Variants in RUSF1 observed in about 807,000 individuals in gnomAD.
RUSF1 encodes RUS1 family protein C16orf58.
In RUSF1, 58 loss-of-function variants were observed where a neutral mutation model predicts 63.0. The ratio of observed to expected loss-of-function variants is 0.92; its 90% CI spans 0.75 to 1.15. RUSF1 has a LOEUF of 1.15. Among genes scored for constraint, RUSF1 ranks in the 50% most tolerant of loss-of-function variants. The pLI is 0.00. For synonymous variants in RUSF1, 274 were observed against 255.8 expected (o/e 1.07, Z -0.68); for missense variants, 652 against 611.0 (o/e 1.07, Z -0.71).
chr16:31,502,152 G>A lies in RUSF1; in HGVS notation c.416-1421C>T, dbSNP rs2082635929. The stretch of plus-strand genomic sequence containing the variant: ...TGGGAGAGGACAGATACCATGGGGA[G>A]AGGATTTGGACTTGTCTGAGCTTGA... On this transcript the variant is annotated intron_variant, in intron 2 of 12. Transcript: ENST00000327237. Among the ~76,000 whole-genome samples the A allele has an allele frequency of 2.6e-5, 4 of 152,284 alleles. No homozygotes were observed. In the South Asian group the frequency reaches 8.3e-4, roughly 32 times the overall value.
intron 2 of RUSF1, among the ~76,000 whole-genome samples, chr16:31,504,056 G>A (rs997845549): frequency 1.3e-5 from 2 of 151,988 alleles, no homozygotes; most frequent in Admixed American, 6.6e-5. Flanking sequence ...CTGCCACCAC[G>A]CCTGGCCAAT....
chr16:31,489,501 TAC>T lies in RUSF1; in HGVS notation c.*1332_*1333del. The T allele has an allele frequency of 1.5e-6, 1 of 685,678 alleles. No individual in the cohort carries two copies. Among genetic ancestry groups the T allele is most frequent in the East Asian group, 2.7e-5 (1 of 36,768 alleles). 42.5% of individuals were successfully genotyped at this position (685,678 alleles called of 1,614,324 possible). On this transcript the variant is annotated 3_prime_UTR_variant, in exon 13 of 13. Coordinates refer to ENST00000327237, the MANE Select transcript of RUSF1 (RefSeq NM_022744.4). ...TGCCGAGCAAGAATTTTTATTTAAATACATTTATTTGAACCGGCCTGGGGGAG... is the reference window on the plus strand; with the variant it reads ...TGCCGAGCAAGAATTTTTATTTAAATATTTATTTGAACCGGCCTGGGGGAG...
In RUSF1 at chr16:31,499,129, C is replaced by A. The variant is rs1186948876; in HGVS notation, c.600+173G>T. 9.2e-6 allele frequency: 6 copies of A among 651,652 alleles called. No individual in the cohort carries two copies. In the Admixed American group the frequency reaches 1.3e-4, roughly 14 times the overall value. The allele number at this position is 651,652 out of a possible 1,614,324, so 40.4% of individuals were successfully genotyped here. ...AGACATTGCCTTACACTTTCTGGGG[C>A]ACTAGATGCTGTCTGGCTGGAGGAG... On this transcript the variant is annotated intron_variant, in intron 5 of 12. Coordinates refer to ENST00000327237, the MANE Select transcript of RUSF1 (RefSeq NM_022744.4).
chr16:31,500,534 AGC>A, intron 3 of RUSF1, 150 bp downstream of exon 3: 1 of 938,226 alleles, frequency 1.1e-6, no homozygotes, highest in Non-Finnish European at 1.5e-6. Context: ...GTGTTTACTG[AGC>A]CATTATGTAC....
At chr16:31,502,112 C>T (rs2082635761) in intron 2 of RUSF1, among the ~76,000 whole-genome samples, 1 of 152,158 alleles carries the variant, frequency 6.6e-6, no homozygotes, top group African/African-American at 2.4e-5. Flanking sequence ...CTGGGAGGGA[C>T]TCATACAGTG....
intron 2 of RUSF1, among the ~76,000 whole-genome samples, chr16:31,506,231 ATAAAACTGCCT>A (rs1279974932): frequency 6.6e-6 from 1 of 152,252 alleles, no homozygotes; most frequent in Non-Finnish European, 1.5e-5. Flanking sequence ...AAAATACTGT[ATAAAACTGCCT>A]TTAAGGTATG....
At position 31,508,367 on chromosome 16, in the gene RUSF1, C is replaced by T. The variant is rs1461733603; in HGVS notation, c.7G>A (p.Asp3Asn). Reference protein sequence around the residue: MADDAGLETPLCS... With the variant: MANDAGLETPLCS... ...AGCGGGGTCTCCAAACCCGCGTCGT[C>T]AGCCATGCCGAGCTTTTGGATCCCA... is the stretch of plus-strand genomic sequence containing the variant. Residue 3 changes from aspartate to asparagine, a missense_variant, in exon 1 of 13, where the codon GAC (aspartate) becomes AAC (asparagine). Asp to Asn is a conservative substitution (Grantham distance 23, BLOSUM62 1). Transcript: ENST00000327237. 5 of 1,512,904 alleles carry T rather than the reference C, an allele frequency of 3.3e-6. No individual in the cohort carries two copies. Among genetic ancestry groups the T allele is most frequent in the East Asian group, 4.9e-5 (2 of 40,486 alleles). 93.7% of individuals were successfully genotyped at this position (1,512,904 alleles called of 1,614,324 possible).
At chr16:31,506,209 T>C (rs1027569752) in intron 2 of RUSF1, among the ~76,000 whole-genome samples, 1 of 152,246 alleles carries the variant, frequency 6.6e-6, no homozygotes, top group African/African-American at 2.4e-5. Flanking sequence ...CTTTGTTTCA[T>C]GCACACCATT....
chr16:31,503,600 T>C (rs974777388), intron 2 of RUSF1, among the ~76,000 whole-genome samples: 3 of 152,226 alleles, frequency 2.0e-5, no homozygotes, highest in African/African-American at 7.2e-5. Context: ...AAATTTCCCA[T>C]GTTTGATGAA....
At chr16:31,506,189 T>C (rs958843088) in intron 2 of RUSF1, among the ~76,000 whole-genome samples, 3 of 152,250 alleles carry the variant, frequency 2.0e-5, no homozygotes, top group Non-Finnish European at 2.9e-5. Context: ...GATGGATCAA[T>C]GAACACAAAC....
At chr16:31,502,106 G>A (rs1416292539) in intron 2 of RUSF1, among the ~76,000 whole-genome samples, 2 of 152,192 alleles carry the variant, frequency 1.3e-5, no homozygotes, top group Non-Finnish European at 2.9e-5. Flanking sequence ...AGACACCTGG[G>A]AGGGACTCAT....
In RUSF1 at chr16:31,492,259, G is replaced by GC; in HGVS notation, c.1168dup (p.Ala390GlyfsTer24). The GC allele has an allele frequency of 6.2e-7, 1 of 1,613,180 alleles. No homozygotes were observed. Among genetic ancestry groups the GC allele is most frequent in the Non-Finnish European group, 8.5e-7 (1 of 1,179,648 alleles). The stretch of plus-strand genomic sequence containing the variant: ...TGGAAGGGGTCCATCTCCCTGCAGG[G>GC]CCCCAAGCATCAGCCCATGTGTGGC... On this transcript the variant is annotated frameshift_variant, in exon 11 of 13. Coordinates refer to ENST00000327237, the MANE Select transcript of RUSF1 (RefSeq NM_022744.4). LOFTEE classifies it high-confidence loss of function.
Position 31,507,712 on chromosome 16 carries a change from C to A in RUSF1, c.415+52G>T, listed in dbSNP as rs370265620. ...TACATATATACACATAAGAGCCCAG[C>A]GAAAGCAGGGCTGAAAGCAGCAATA... On this transcript the variant is annotated intron_variant, in intron 2 of 12. Transcript: ENST00000327237. The A allele has an allele frequency of 2.2e-4, 328 of 1,516,370 alleles. 1 individual carries two copies. The African/African-American group carries it at 4.2e-3, about 20-fold the overall frequency. The allele number at this position is 1,516,370 out of a possible 1,614,324, so 93.9% of individuals were successfully genotyped here.
At position 31,492,022 on chromosome 16, in the gene RUSF1, T is replaced by C; in HGVS notation, c.1296A>G (p.Pro432=). Reference sequence around the variant, plus strand: ...GAGGGATGTTACCTTTCAAGAACTTTGGGAACAGCATGTCCAACACTTCGT... The same window carrying C: ...GAGGGATGTTACCTTTCAAGAACTTCGGGAACAGCATGTCCAACACTTCGT... The part of the protein sequence containing the change: ...ETHEVLDMLF[P]KFLKGLQDAG... Residue 432 remains proline, a synonymous_variant, in exon 12 of 13, where the codon CCA becomes CCG. Transcript: ENST00000327237. The C allele has an allele frequency of 6.2e-7, 1 of 1,614,160 alleles. No individual in the cohort carries two copies. The highest frequency in any genetic ancestry group is 8.5e-7 in the Non-Finnish European group (1 of 1,179,992).
intron 12 of RUSF1, 83 bp from the exon 13 acceptor site, chr16:31,491,015 C>G: frequency 1.5e-6 from 2 of 1,307,456 alleles, no homozygotes; most frequent in Non-Finnish European, 2.2e-6. Context: ...GCTTTGTGCA[C>G]TACTGGGGCT....
chr16:31,505,286 T>A (rs2082653067), intron 2 of RUSF1, among the ~76,000 whole-genome samples: 1 of 152,080 alleles, frequency 6.6e-6, no homozygotes, highest in South Asian at 2.1e-4. Flanking sequence ...TGCTCGCATG[T>A]TTTCCTGCTG....
Position 31,491,991 on chromosome 16 carries a change from T to C in RUSF1, c.1309+18A>G. 1.9e-6 allele frequency: 3 copies of C among 1,613,672 alleles called. No individual in the cohort carries two copies. Among genetic ancestry groups the C allele is most frequent in the Non-Finnish European group, 2.5e-6 (3 of 1,179,630 alleles). On this transcript the variant is annotated intron_variant, in intron 12 of 12. Transcript: ENST00000327237. ...CAAGGCTTCAGGGGCCAAGCAGCCA[T>C]GGGCTGAGGGATGTTACCTTTCAAG... is the stretch of plus-strand genomic sequence containing the variant.
In RUSF1 at chr16:31,504,662, A is replaced by T. The variant is rs2082649293; in HGVS notation, c.415+3102T>A. 2.0e-5 allele frequency among the ~76,000 whole-genome samples: 3 copies of T among 152,356 alleles called. No homozygotes were observed. In the South Asian group the frequency reaches 6.2e-4, roughly 32 times the overall value. Reference sequence around the variant, plus strand: ...GGAGTGCAGACACGATGCCACCAGTAGAAACAGCCGATGGTGAAATAGCAC... The same window carrying T: ...GGAGTGCAGACACGATGCCACCAGTTGAAACAGCCGATGGTGAAATAGCAC... On this transcript the variant is annotated intron_variant, in intron 2 of 12. Coordinates refer to ENST00000327237, the MANE Select transcript of RUSF1 (RefSeq NM_022744.4).
intron 2 of RUSF1, among the ~76,000 whole-genome samples, chr16:31,503,261 G>C (rs186406365): frequency 3.9e-5 from 6 of 152,276 alleles, no homozygotes; most frequent in Admixed American, 3.3e-4. Flanking sequence ...TGGTAGTTAA[G>C]AGTAGAACAC....
Sources: allele counts gnomAD v4.1 joint callset (sites outside exome capture counted in the v4.1 genomes callset), GRCh38; gene constraint gnomAD v4.1.1; transcripts MANE v1.5; gene names NCBI Gene and HGNC (gene_info 2026-07-23, HGNC 2026-07-21).